The following SHANK2 variants were observed in gnomAD, a reference collection of about 807,000 sequenced individuals.
The protein encoded by SHANK2 is SH3 and multiple ankyrin repeat domains 2.
A neutral mutation model predicts 133.7 loss-of-function variants in SHANK2; 43 were observed. That is an observed-to-expected ratio of 0.32 (90% confidence interval 0.25 to 0.41). SHANK2 has a LOEUF of 0.41. Ranked by LOEUF, SHANK2 falls within the 10% of genes least tolerant of loss-of-function variation. The pLI, the probability that SHANK2 is intolerant of heterozygous loss-of-function variation, is 1.00. For synonymous variants in SHANK2, 1,017 were observed against 952.8 expected, an observed-to-expected ratio of 1.07 and a Z score of -1.24; for missense variants, 1,994 against 2,235.8, an observed-to-expected ratio of 0.89 and a Z score of 2.18.
At chr11:70,915,714 G>A (rs1555079748) in intron 10 of SHANK2, among the ~76,000 whole-genome samples, 3 of 152,166 alleles carry the variant, frequency 2.0e-5, no homozygotes, top group Non-Finnish European at 1.5e-5. Flanking sequence ...CCTGCCTCGC[G>A]GGACGGACGG....
intron 4 of SHANK2, among the ~76,000 whole-genome samples, chr11:71,116,839 C>T (rs1951989296): frequency 6.6e-6 from 1 of 152,092 alleles, no homozygotes; most frequent in Non-Finnish European, 1.5e-5. Flanking sequence ...GGAACTACTC[C>T]TCCCCTGCTC....
At chr11:71,062,875 T>C (rs1425576898) in intron 9 of SHANK2, among the ~76,000 whole-genome samples, 1 of 151,372 alleles carries the variant, frequency 6.6e-6, no homozygotes, top group Non-Finnish European at 1.5e-5. Context: ...TGCGTGCCTG[T>C]AGTCCTAGCT....
At chr11:70,820,838 C>A (rs1948503598) in intron 11 of SHANK2, among the ~76,000 whole-genome samples, 156 bp from the exon 12 acceptor site, 2 of 152,156 alleles carry the variant, frequency 1.3e-5, no homozygotes, top group Admixed American at 6.5e-5. Flanking sequence ...CCCAGCTGGA[C>A]TCCACCAGGC....
rs1555152911 is a variant in SHANK2, at chr11:70,485,554, G to T, written c.4739C>A (p.Pro1580His). Residue 1580 changes from proline (P) to histidine (H), a missense_variant, in exon 25 of 26, where the codon CCC (proline) becomes CAC (histidine). Pro to His is a moderately conservative substitution (Grantham distance 77). Coordinates refer to ENST00000601538, the MANE Select transcript of SHANK2 (RefSeq NM_012309.5). The surrounding 1 kb of genome is among the most constrained non-coding windows in gnomAD (Gnocchi z 5.8). ...ACTGCCCGGCGGGGGCGGGGGAGCG[G>T]GCGGGGGGATAACAAAGCTATCTAC... ...EDVDSFVIPPPAPPPPPGSAQ... is the reference protein window; with the variant it reads ...EDVDSFVIPPHAPPPPPGSAQ... 1 of 1,612,968 alleles carries T rather than the reference G, an allele frequency of 6.2e-7. No individual in the cohort carries two copies. Among genetic ancestry groups the T allele is most frequent in the Non-Finnish European group, 8.5e-7 (1 of 1,180,032 alleles).
At chr11:70,552,666 C>T (rs1243045347) in intron 17 of SHANK2, among the ~76,000 whole-genome samples, 9 of 152,204 alleles carry the variant, frequency 5.9e-5, no homozygotes, top group Admixed American at 5.9e-4. Flanking sequence ...CGTCATTAAA[C>T]CTGTGGCTCG....
rs575861152 is a variant in SHANK2 at position 70,595,992 on chromosome 11, C to T, written c.2061+63836G>A. ...CATCGTGAGGATGAAGCAGAGATTG[C>T]GGTGACCACCTCCACGCCAAGGCAT... On this transcript the variant is annotated intron_variant, in intron 17 of 25. Coordinates refer to ENST00000601538, the MANE Select transcript of SHANK2 (RefSeq NM_012309.5). Among the ~76,000 whole-genome samples, 10 of 152,294 alleles carry T rather than the reference C, an allele frequency of 6.6e-5. No homozygotes were observed. In the South Asian group the frequency reaches 8.3e-4, roughly 13 times the overall value.
chr11:70,636,246 TGAGCATGCGTGTATGC>T (rs2061079462), intron 17 of SHANK2, among the ~76,000 whole-genome samples: 1 of 152,262 alleles, frequency 6.6e-6, no homozygotes, highest in Non-Finnish European at 1.5e-5. Flanking sequence ...TCTGAGTGTA[TGAGCATGCGTGTATGC>T]GAGCATGCAT....
chr11:70,856,243 T>C (rs1565363936), intron 11 of SHANK2, among the ~76,000 whole-genome samples: 1 of 151,786 alleles, frequency 6.6e-6, no homozygotes, highest in Non-Finnish European at 1.5e-5. Flanking sequence ...AATGGACAGA[T>C]GGATGGATGG....
chr11:70,745,348 T>A (rs2134843994), intron 14 of SHANK2, among the ~76,000 whole-genome samples: 1 of 152,320 alleles, frequency 6.6e-6, no homozygotes, highest in Non-Finnish European at 1.5e-5. Flanking sequence ...TCCACGTATT[T>A]CCATGCCAGC....
intron 2 of SHANK2, among the ~76,000 whole-genome samples, chr11:71,153,312 A>T (rs1952835932): frequency 6.6e-6 from 1 of 152,028 alleles, no homozygotes; most frequent in Non-Finnish European, 1.5e-5. Context: ...GGGAGAGGCC[A>T]TAAAACCCCA....
At chr11:70,614,682 T>C (rs1357165061) in intron 17 of SHANK2, among the ~76,000 whole-genome samples, 2 of 152,322 alleles carry the variant, frequency 1.3e-5, no homozygotes, top group Middle Eastern at 3.4e-3. Flanking sequence ...CTTCATCCCA[T>C]CCTCCAGTCT....
intron 2 of SHANK2, among the ~76,000 whole-genome samples, chr11:71,179,832 C>T (rs782027448): frequency 7.9e-5 from 12 of 152,158 alleles, no homozygotes; most frequent in South Asian, 2.1e-4. Context: ...TATTTACAAA[C>T]GCCAACAGAA....
intron 2 of SHANK2, among the ~76,000 whole-genome samples, chr11:71,208,836 C>T (rs1179710970): frequency 6.6e-6 from 1 of 152,176 alleles, no homozygotes; most frequent in African/African-American, 2.4e-5. Flanking sequence ...GGCACGCACA[C>T]ACACACACTC....
At chr11:70,558,059 C>T (rs1256851747) in intron 17 of SHANK2, among the ~76,000 whole-genome samples, 3 of 152,184 alleles carry the variant, frequency 2.0e-5, no homozygotes, top group Non-Finnish European at 4.4e-5. Flanking sequence ...GAGGCGAGAC[C>T]GTGAGGGGGC....
chr11:70,832,248 T>C (rs570399017), intron 11 of SHANK2, among the ~76,000 whole-genome samples: 1 of 152,310 alleles, frequency 6.6e-6, no homozygotes, highest in African/African-American at 2.4e-5. Flanking sequence ...AATGAATACA[T>C]TTAAGTTTTA....
At chr11:70,556,838 C>T (rs1282999778) in intron 17 of SHANK2, among the ~76,000 whole-genome samples, 10 of 151,886 alleles carry the variant, frequency 6.6e-5, no homozygotes. Flanking sequence ...GTGATCCGCC[C>T]GCCTTGGCCT....
intron 17 of SHANK2, among the ~76,000 whole-genome samples, chr11:70,628,093 G>A (rs986453772): frequency 2.6e-5 from 4 of 152,158 alleles, no homozygotes; most frequent in Admixed American, 2.6e-4. Context: ...CTGAGTAGCT[G>A]GGATTACAGG....
intron 10 of SHANK2, among the ~76,000 whole-genome samples, chr11:70,897,215 T>C (rs964019491): frequency 6.6e-6 from 1 of 152,110 alleles, no homozygotes; most frequent in Admixed American, 6.5e-5. Flanking sequence ...AGGATGGCCA[T>C]GGAGACCCAT....
intron 14 of SHANK2, among the ~76,000 whole-genome samples, chr11:70,700,071 TACC>T (rs1945485168): frequency 6.6e-6 from 1 of 152,186 alleles, no homozygotes; most frequent in African/African-American, 2.4e-5. Context: ...GTTTCATTTC[TACC>T]ACATTAGGCT....
Sources: gnomAD v4.1 joint callset for allele counts (sites outside exome capture counted in the v4.1 genomes callset) on GRCh38, gnomAD v4.1.1 for gene constraint, Gnocchi (gnomAD v3.1) non-coding constraint, MANE v1.5 for transcripts, NCBI Gene and HGNC (gene_info 2026-07-23, HGNC 2026-07-21) for gene names.